Variants in TAMM41 observed in about 807,000 individuals in gnomAD.
The protein encoded by TAMM41 is TAM41 mitochondrial translocator assembly and maintenance homolog.
Under a neutral mutation model 44.1 loss-of-function variants are expected in TAMM41, and 36 were observed. That is an observed-to-expected ratio of 0.82 (90% CI 0.63 to 1.08). The LOEUF (loss-of-function observed/expected upper bound fraction) is 1.08. TAMM41 is among the 50% of genes least tolerant of loss of function. TAMM41 has a pLI of 0.00. For missense variants in TAMM41, 417 were observed against 404.3 expected (o/e 1.03, Z -0.27); for synonymous variants, 164 against 153.1 (o/e 1.07, Z -0.53).
At chr3:11,795,238 C>G (rs1432959282) in intron 7 of TAMM41, among the ~76,000 whole-genome samples, 2 of 152,114 alleles carry the variant, frequency 1.3e-5, no homozygotes, top group Admixed American at 6.6e-5. Flanking sequence ...AGAGTTAATT[C>G]TGATTGACCA....
intron 3 of TAMM41, 33 bp from the exon 4 acceptor site, chr3:11,829,897 C>T (rs1160263884): frequency 6.2e-7 from 1 of 1,607,932 alleles, no homozygotes; most frequent in East Asian, 2.2e-5. Flanking sequence ...AAGAAAAATT[C>T]CAGAAGTGGA....
chr3:11,722,545 A>ATTATGTTATG, the TAMM41 span, among the ~76,000 whole-genome samples: 4 of 152,352 alleles, frequency 2.6e-5, no homozygotes, highest in African/African-American at 9.6e-5. Context: ...ATACAGCATA[A>ATTATGTTATG]TACTCTATTT....
chr3:11,740,944 G>T, the TAMM41 span, among the ~76,000 whole-genome samples: 1 of 147,178 alleles, frequency 6.8e-6, no homozygotes, highest in Non-Finnish European at 1.5e-5. Flanking sequence ...CTCCAGGCCG[G>T]GCGTGGTGGC....
the TAMM41 span, among the ~76,000 whole-genome samples, chr3:11,766,768 C>G: frequency 6.6e-6 from 1 of 151,904 alleles, no homozygotes. Context: ...GAGGGTCTCA[C>G]TTTGTTGCCC....
downstream of TAMM41, among the ~76,000 whole-genome samples, chr3:11,786,017 C>G (rs989027228): frequency 2.0e-5 from 3 of 152,064 alleles, no homozygotes; most frequent in Admixed American, 6.5e-5. Flanking sequence ...ATGCTGTGTA[C>G]AAGTCTTCTG....
At chr3:11,752,027 C>T in the TAMM41 span, among the ~76,000 whole-genome samples, 1 of 152,146 alleles carries the variant, frequency 6.6e-6, no homozygotes, top group Non-Finnish European at 1.5e-5. Flanking sequence ...GACACTCAGG[C>T]AGGTGCTAAG....
At chr3:11,726,583 C>T in the TAMM41 span, among the ~76,000 whole-genome samples, 1 of 152,242 alleles carries the variant, frequency 6.6e-6, no homozygotes, top group African/African-American at 2.4e-5. Flanking sequence ...GGGTGGATCA[C>T]TTGAGGTCAG....
the TAMM41 span, among the ~76,000 whole-genome samples, chr3:11,776,574 C>T: frequency 1.3e-5 from 2 of 152,158 alleles, no homozygotes; most frequent in Non-Finnish European, 2.9e-5. Context: ...GAGCAGTAGG[C>T]CATCCCATGT....
intron 4 of TAMM41, among the ~76,000 whole-genome samples, chr3:11,824,281 C>T (rs951170725): frequency 5.9e-5 from 9 of 151,844 alleles, no homozygotes; most frequent in Non-Finnish European, 8.8e-5. Context: ...ACCTCTGCTT[C>T]CTGGGTTCAA....
chr3:11,790,299 G>A (rs1416255693), downstream of TAMM41: 1 of 586,300 alleles, frequency 1.7e-6, no homozygotes, highest in African/African-American at 1.9e-5. Context: ...ACATGGAGAG[G>A]GTTCTTTTCT....
At chr3:11,733,995 C>T in the TAMM41 span, among the ~76,000 whole-genome samples, 1 of 151,736 alleles carries the variant, frequency 6.6e-6, no homozygotes. Flanking sequence ...GGAGAAGGCA[C>T]ACGTCCTTCC....
chr3:11,834,967 C>T lies in TAMM41; in HGVS notation c.411+4255G>A, dbSNP rs189980197. Among the ~76,000 whole-genome samples, 4 of 152,298 alleles carry T rather than the reference C, an allele frequency of 2.6e-5. No homozygotes were observed. The East Asian group carries it at 7.7e-4, about 29-fold the overall frequency. ...CCTCCCAAAGTGCTAGGATTATAGG[C>T]ATGAGCCACCGCACTCGGCCTATAT... On this transcript the variant is annotated intron_variant, in intron 3 of 7. Transcript: ENST00000455809.
rs1156555980 is a variant in TAMM41 at position 11,804,996 on chromosome 3, CT to C, written c.937+2836del. Among the ~76,000 whole-genome samples the C allele has an allele frequency of 9.9e-3, 1,020 of 103,042 alleles. 4 individuals are homozygous for C. Among genetic ancestry groups the C allele is most frequent in the African/African-American group, 0.022 (545 of 24,422 alleles). 67.6% of individuals were successfully genotyped at this position (103,042 alleles called of 152,430 possible). On this transcript the variant is annotated intron_variant, in intron 7 of 7. Coordinates refer to ENST00000455809, the MANE Select transcript of TAMM41 (RefSeq NM_001284401.2). Reference sequence around the variant, plus strand: ...CGGGCGCGCACCACCACGCCCAGCCCTTTTTTTTTTTTTTTTTTTTTTTTTT... The same window carrying C: ...CGGGCGCGCACCACCACGCCCAGCCCTTTTTTTTTTTTTTTTTTTTTTTTT...
chr3:11,765,153 T>G, the TAMM41 span, among the ~76,000 whole-genome samples: 1 of 152,188 alleles, frequency 6.6e-6, no homozygotes, highest in African/African-American at 2.4e-5. Context: ...CCAAAAGAAC[T>G]GACAATATAA....
the TAMM41 span, among the ~76,000 whole-genome samples, chr3:11,755,350 G>C: frequency 6.6e-6 from 1 of 152,312 alleles, no homozygotes; most frequent in African/African-American, 2.4e-5. Context: ...AAGAAACTAA[G>C]AAGAGTCGGC....
chr3:11,746,301 C>CA, the TAMM41 span, among the ~76,000 whole-genome samples: 47,844 of 115,566 alleles, frequency 0.41, 9,669 homozygotes, highest in Non-Finnish European at 0.49. Context: ...GAGACTCTCT[C>CA]AAAAAAAAAA....
the TAMM41 span, among the ~76,000 whole-genome samples, chr3:11,777,845 C>T: frequency 5.9e-5 from 9 of 151,762 alleles, no homozygotes; most frequent in Admixed American, 5.2e-4. Context: ...AGTTGTACCG[C>T]CATCATACAG....
the TAMM41 span, among the ~76,000 whole-genome samples, chr3:11,764,409 C>A: frequency 1.3e-5 from 2 of 151,666 alleles, no homozygotes; most frequent in Non-Finnish European, 2.9e-5. Context: ...GCAGAGCTCC[C>A]AGACCTTTAT....
the TAMM41 span, among the ~76,000 whole-genome samples, chr3:11,725,454 C>CTCCTCCTTCTTCTT: frequency 7.3e-6 from 1 of 137,722 alleles, no homozygotes; most frequent in African/African-American, 2.8e-5. Context: ...TCCTCCTCCT[C>CTCCTCCTTCTTCTT]CTTCTTCTTC....
Sources: allele counts gnomAD v4.1 joint callset (sites outside exome capture counted in the v4.1 genomes callset), GRCh38; gene constraint gnomAD v4.1.1; transcripts MANE v1.5; gene names NCBI Gene and HGNC (gene_info 2026-07-23, HGNC 2026-07-21).